The following TJP2 variants were observed in gnomAD, a reference collection of about 807,000 sequenced individuals.
TJP2 encodes the protein Friedreich ataxia region gene X104 (tight junction protein ZO-2).
TJP2 carries 91 observed loss-of-function variants against 133.1 expected under a neutral mutation model. That is an observed-to-expected ratio of 0.68 (90% CI 0.58 to 0.81). The LOEUF (loss-of-function observed/expected upper bound fraction) is 0.81. Ranked by LOEUF, TJP2 falls within the 40% of genes least tolerant of loss-of-function variation. TJP2 has a pLI of 0.00. For missense variants in TJP2, 1,541 were observed against 1,565.6 expected, an observed-to-expected ratio of 0.98 and a Z score of 0.26; for synonymous variants, 592 against 583.4, an observed-to-expected ratio of 1.01 and a Z score of -0.21.
At chr9:69,131,710 T>C (rs1822502848) in intron 1 of TJP2, among the ~76,000 whole-genome samples, 1 of 152,188 alleles carries the variant, frequency 6.6e-6, no homozygotes, top group African/African-American at 2.4e-5. Flanking sequence ...GTTTAGACTT[T>C]CCAATTTGCC....
At chr9:69,207,809 T>C (rs1827553646) in intron 1 of TJP2, among the ~76,000 whole-genome samples, 1 of 152,202 alleles carries the variant, frequency 6.6e-6, no homozygotes, top group Admixed American at 6.5e-5. Context: ...TCAGCTAAGC[T>C]GCTGCACCCT....
At chr9:69,138,483 A>G (rs1192881391) in intron 1 of TJP2, among the ~76,000 whole-genome samples, 5 of 151,530 alleles carry the variant, frequency 3.3e-5, no homozygotes, top group South Asian at 4.2e-4. Flanking sequence ...AAAAAAAAAA[A>G]GGGCCAGGGA....
intron 20 of TJP2, among the ~76,000 whole-genome samples, chr9:69,250,491 A>G (rs918653654): frequency 2.0e-5 from 3 of 152,212 alleles, no homozygotes; most frequent in African/African-American, 7.2e-5. Context: ...AAGTAATAAT[A>G]AGTGACCTCA....
chr9:69,232,083 C>G (rs1239226506), intron 11 of TJP2, among the ~76,000 whole-genome samples: 1 of 152,144 alleles, frequency 6.6e-6, no homozygotes, highest in African/African-American at 2.4e-5. Flanking sequence ...GGGAGAGTCG[C>G]TTTGGTGGAT....
At position 69,124,524 on chromosome 9, in the gene TJP2, C is replaced by T. The variant is rs755319883; in HGVS notation, c.-131+2799C>T. Reference sequence around the variant, plus strand: ...CCCGCTATTTTTTCTTGACCCTTGCCTCTTCTTGTGTTACGACTTTCATCA... The same window carrying T: ...CCCGCTATTTTTTCTTGACCCTTGCTTCTTCTTGTGTTACGACTTTCATCA... On this transcript the variant is annotated intron_variant, in intron 1 of 5. Transcript: ENST00000423935. Among the ~76,000 whole-genome samples, 2 of 76,988 alleles carry T rather than the reference C, an allele frequency of 2.6e-5. 1 individual carries two copies. Among genetic ancestry groups the T allele is most frequent in the Non-Finnish European group, 6.0e-5 (2 of 33,352 alleles). 50.5% of individuals were successfully genotyped at this position (76,988 alleles called of 152,430 possible).
intron 1 of TJP2, among the ~76,000 whole-genome samples, chr9:69,131,616 G>A (rs965276836): frequency 4.6e-5 from 7 of 152,230 alleles, no homozygotes; most frequent in Admixed American, 6.5e-5. Flanking sequence ...TGTTAGTAGA[G>A]AGCAAAGTGA....
At chr9:69,182,962 A>AT (rs796917143) in intron 1 of TJP2, among the ~76,000 whole-genome samples, 1,344 of 132,228 alleles carry the variant, frequency 0.01, 15 homozygotes, top group East Asian at 0.023. Context: ...CTAATTTTGT[A>AT]TTTTTTTTTT....
Position 69,189,663 on chromosome 9 carries a change from T to TAAA in TJP2, c.60+15242_60+15244dup, listed in dbSNP as rs34446622. Among the ~76,000 whole-genome samples the TAAA allele has an allele frequency of 4.6e-5, 3 of 65,616 alleles. 1 individual carries two copies. Among genetic ancestry groups the TAAA allele is most frequent in the Non-Finnish European group, 6.0e-5 (2 of 33,486 alleles). The allele number at this position is 65,616 out of a possible 152,430, so 43.0% of individuals were successfully genotyped here. A position where few individuals can be genotyped will look rare whatever the true frequency, so the allele number is the denominator to read the frequency against. On this transcript the variant is annotated intron_variant, in intron 1 of 22. Transcript: ENST00000377245. ...TTTTTTTTTTTAAGTTTAAAAAAGTTAAAAAAAAAAAAAGACAAAGAAAAA... is the reference window on the plus strand; with the variant it reads ...TTTTTTTTTTTAAGTTTAAAAAAGTTAAAAAAAAAAAAAAAAGACAAAGAAAAA...
In TJP2 at chr9:69,177,127, G is replaced by A. The variant is rs560827530; in HGVS notation, c.60+2695G>A. ...ACAGATGAATTTATCTAGGTTGAGA[G>A]CTGATTCCCAATAACATGCCTCATT... On this transcript the variant is annotated intron_variant, in intron 1 of 22. Transcript: ENST00000377245. 2.0e-5 allele frequency among the ~76,000 whole-genome samples: 3 copies of A among 152,330 alleles called. No individual in the cohort carries two copies. In the South Asian group the frequency reaches 6.2e-4, roughly 32 times the overall value.
At chr9:69,153,311 G>A (rs1016097736) in intron 2 of TJP2, among the ~76,000 whole-genome samples, 3 of 152,092 alleles carry the variant, frequency 2.0e-5, no homozygotes, top group Non-Finnish European at 2.9e-5. Context: ...GTCTGGGCGC[G>A]GTGGCTCATG....
intron 1 of TJP2, among the ~76,000 whole-genome samples, chr9:69,194,541 G>A (rs372603613): frequency 6.6e-6 from 1 of 152,102 alleles, no homozygotes; most frequent in Non-Finnish European, 1.5e-5. Flanking sequence ...ATTAAACATT[G>A]CATTCTTCAG....
chr9:69,174,485 TGG>T (rs2132937406), intron 1 of TJP2, 53 bp downstream of exon 1: 18 of 1,519,146 alleles, frequency 1.2e-5, no homozygotes, highest in East Asian at 2.5e-5. Context: ...AGCGTGAGCG[TGG>T]GAGCGCTGGG....
intron 1 of TJP2, among the ~76,000 whole-genome samples, chr9:69,183,184 A>C (rs1213395528): frequency 6.6e-6 from 1 of 152,192 alleles, no homozygotes; most frequent in Non-Finnish European, 1.5e-5. Context: ...ATGGCATTTA[A>C]TACACTCACA....
intron 1 of TJP2, among the ~76,000 whole-genome samples, chr9:69,179,620 C>T (rs927993622): frequency 1.3e-5 from 2 of 151,762 alleles, no homozygotes; most frequent in Non-Finnish European, 2.9e-5. Context: ...GCCATTCAGC[C>T]TCCCCAGTAG....
chr9:69,206,201 A>G (rs143014004), intron 1 of TJP2, among the ~76,000 whole-genome samples: 3 of 152,212 alleles, frequency 2.0e-5, no homozygotes, highest in African/African-American at 7.2e-5. Context: ...ATAAGGAAAG[A>G]TGATGAAAGC....
chr9:69,187,247 A>G (rs1412991840), intron 1 of TJP2, among the ~76,000 whole-genome samples: 1 of 152,200 alleles, frequency 6.6e-6, no homozygotes, highest in African/African-American at 2.4e-5. Flanking sequence ...TAACAATTGC[A>G]TTGTTGTTCT....
intron 18 of TJP2, among the ~76,000 whole-genome samples, chr9:69,247,803 G>A (rs901721317): frequency 1.3e-5 from 2 of 152,126 alleles, no homozygotes; most frequent in South Asian, 4.1e-4. Context: ...AGGCTGCAGG[G>A]CCCCTAATTT....
At chr9:69,239,915 A>G (rs2133409133) in intron 16 of TJP2, 22 bp from the exon 17 acceptor site, 1 of 1,599,878 alleles carries the variant, frequency 6.3e-7, no homozygotes, top group Non-Finnish European at 8.6e-7. Flanking sequence ...CATTTCTCTA[A>G]CTTTTCCCCT....
intron 1 of TJP2, among the ~76,000 whole-genome samples, chr9:69,186,710 A>C (rs1825882259): frequency 6.6e-6 from 1 of 152,222 alleles, no homozygotes; most frequent in Non-Finnish European, 1.5e-5. Flanking sequence ...TGTATTTCTG[A>C]CCCAAATATC....
Sources: gnomAD v4.1 joint callset for allele counts (sites outside exome capture counted in the v4.1 genomes callset) on GRCh38, gnomAD v4.1.1 for gene constraint, MANE v1.5 for transcripts, NCBI Gene and HGNC (gene_info 2026-07-23, HGNC 2026-07-21) for gene names.